CEP164: variants seen among roughly 807,000 people sequenced by gnomAD.
CEP164 encodes centrosomal protein of 164 kDa.
Under a neutral mutation model 182.7 loss-of-function variants are expected in CEP164, and 162 were observed. The ratio of observed to expected loss-of-function variants is 0.89; its 90% CI spans 0.78 to 1.01. The LOEUF is 1.01. CEP164 is among the 50% of genes least tolerant of loss of function. The pLI is 0.00. For synonymous variants in CEP164, 661 were observed against 690.0 expected (o/e 0.96, Z 0.66); for missense variants, 1,735 against 1,790.4 (o/e 0.97, Z 0.56).
intron 15 of CEP164, among the ~76,000 whole-genome samples, chr11:117,390,524 T>G (rs1282830583): frequency 1.3e-5 from 2 of 151,490 alleles, no homozygotes; most frequent in South Asian, 2.1e-4. Flanking sequence ...TGGTCCCAAC[T>G]ACATGGGATG....
At chr11:117,370,717 C>T (rs1248134636) in intron 8 of CEP164, among the ~76,000 whole-genome samples, 1 of 152,068 alleles carries the variant, frequency 6.6e-6, no homozygotes, top group Non-Finnish European at 1.5e-5. Flanking sequence ...TTGAGACCAG[C>T]CTGGCCAACA....
rs367721643 is a variant in CEP164, at chr11:117,393,156, C to G, written c.2616+30C>G. On this transcript the variant is annotated intron_variant, in intron 20 of 32. Coordinates refer to ENST00000278935, the MANE Select transcript of CEP164 (RefSeq NM_014956.5). ...CTCAGCCACATCCCCTGCGCGCATG[C>G]ACACACATGCACACACACATGCACG... The G allele has an allele frequency of 1.3e-5, 21 of 1,602,860 alleles. No individual in the cohort carries two copies. The East Asian group carries it at 4.7e-4, about 36-fold the overall frequency.
chr11:117,350,515 A>G (rs2039491954), intron 4 of CEP164, among the ~76,000 whole-genome samples: 1 of 152,138 alleles, frequency 6.6e-6, no homozygotes, highest in Admixed American at 6.5e-5. Flanking sequence ...GTGATGTGGG[A>G]CATCTTTTCA....
At chr11:117,322,575 A>G (rs1389424008) in intron 1 of CEP164, among the ~76,000 whole-genome samples, 1 of 150,830 alleles carries the variant, frequency 6.6e-6, no homozygotes, top group Admixed American at 6.6e-5. Flanking sequence ...TTTTTTTTTG[A>G]GACAGAGTTT....
At chr11:117,410,748 A>T in intron 30 of CEP164, 80 bp from the exon 31 acceptor site, 1 of 1,182,250 alleles carries the variant, frequency 8.5e-7, no homozygotes, top group Non-Finnish European at 1.2e-6. Context: ...TTTATTGTTT[A>T]TTCTGGGGAG....
At chr11:117,326,571 C>T (rs564883048), upstream of CEP164, among the ~76,000 whole-genome samples, 8 of 152,274 alleles carry the variant, frequency 5.3e-5, no homozygotes, top group East Asian at 1.9e-4. Flanking sequence ...CAGGCCCGGT[C>T]GATAGTTTTT....
chr11:117,397,660 A>G (rs2045655045), intron 27 of CEP164, among the ~76,000 whole-genome samples: 1 of 152,214 alleles, frequency 6.6e-6, no homozygotes, highest in Non-Finnish European at 1.5e-5. Flanking sequence ...ACATGGTGGC[A>G]GCAAGAGAAA....
intron 4 of CEP164, among the ~76,000 whole-genome samples, chr11:117,344,805 G>T (rs1238966442): frequency 1.3e-5 from 2 of 152,070 alleles, no homozygotes; most frequent in Non-Finnish European, 2.9e-5. Context: ...GTGCACACCT[G>T]CAGTCCTAGC....
At position 117,371,175 on chromosome 11, in the gene CEP164, A is replaced by C; in HGVS notation, c.861A>C (p.Pro287=). ...GPPTPCKPSS[P]GADSSLSSAV... ...CTACTCCCTGCAAGCCCTCCAGCCCAGGTGCAGACAGCAGTCTGAGCAGTG... is the reference window on the plus strand; with the variant it reads ...CTACTCCCTGCAAGCCCTCCAGCCCCGGTGCAGACAGCAGTCTGAGCAGTG... Residue 287 remains proline, a synonymous_variant, in exon 9 of 33, where the codon CCA becomes CCC. Transcript: ENST00000278935. The C allele has an allele frequency of 1.9e-6, 3 of 1,614,222 alleles. No homozygotes were observed.
Position 117,394,491 on chromosome 11 carries a change from C to A in CEP164, c.2758C>A (p.Gln920Lys), listed in dbSNP as rs1207134994. 2 of 1,613,622 alleles carry A rather than the reference C, an allele frequency of 1.2e-6. No homozygotes were observed. Among genetic ancestry groups the A allele is most frequent in the African/African-American group, 2.7e-5 (2 of 75,034 alleles). ...GGACTTGCGGCGCCGGCACAGGGAGCAGGTGAGGGGCCTGGGGCAGGGTGA... is the reference window on the plus strand; with the variant it reads ...GGACTTGCGGCGCCGGCACAGGGAGAAGGTGAGGGGCCTGGGGCAGGGTGA... ...LEDLRRRHRE[Q>K]ERKLQDLELD... The change falls in exon 21 of 33, where the codon CAG (glutamine) becomes AAG (lysine). Residue 920 changes from glutamine to lysine, a missense_variant and splice_region_variant. Coordinates refer to ENST00000278935, the MANE Select transcript of CEP164 (RefSeq NM_014956.5). The surrounding 1 kb of genome is among the most constrained non-coding windows in gnomAD (Gnocchi z 4.0).
intron 3 of CEP164, among the ~76,000 whole-genome samples, chr11:117,339,638 C>T (rs2037801370): frequency 7.0e-6 from 1 of 142,128 alleles, no homozygotes; most frequent in Non-Finnish European, 1.5e-5. Context: ...AAGCGAATCT[C>T]ATGCCTCAGC....
At position 117,344,272 on chromosome 11, in the gene CEP164, A is replaced by T; in HGVS notation, c.189A>T (p.Lys63Asn). 1 of 1,611,070 alleles carries T rather than the reference A, an allele frequency of 6.2e-7. No individual in the cohort carries two copies. The highest frequency in any genetic ancestry group is 8.5e-7 in the Non-Finnish European group (1 of 1,178,248). ...TGGCCCCACTGCCTGGAGAGTGGAA[A>T]CCATGGTAAGTCAGCAGGGGGTGCG... is the stretch of plus-strand genomic sequence containing the variant. ...GIVAPLPGEW[K>N]PCQDITGDIY... The change falls in exon 4 of 33, where the codon AAA (lysine) becomes AAT (asparagine). Residue 63 changes from lysine to asparagine, a missense_variant. Physicochemically the swap from Lys to Asn is moderately conservative, Grantham distance 94. Coordinates refer to ENST00000278935, the MANE Select transcript of CEP164 (RefSeq NM_014956.5).
chr11:117,341,377 C>A (rs183127432), intron 3 of CEP164, among the ~76,000 whole-genome samples: 2 of 152,070 alleles, frequency 1.3e-5, no homozygotes, highest in African/African-American at 4.8e-5. Flanking sequence ...AACATAACAC[C>A]CTTGATGGGA....
Position 117,338,577 on chromosome 11 carries a change from C to T in CEP164, c.-10C>T. On this transcript the variant is annotated 5_prime_UTR_variant, in exon 3 of 33. Transcript: ENST00000278935. The stretch of plus-strand genomic sequence containing the variant: ...CCTCTGGGATCTAGGTGTTTGAGCC[C>T]AGATGAGTCATGGCTGGACGACCCC... The T allele has an allele frequency of 6.2e-7, 1 of 1,612,996 alleles. No homozygotes were observed. The highest frequency in any genetic ancestry group is 8.5e-7 in the Non-Finnish European group (1 of 1,179,036).
chr11:117,398,033 G>A (rs1485728394), intron 27 of CEP164, among the ~76,000 whole-genome samples: 1 of 152,164 alleles, frequency 6.6e-6, no homozygotes, highest in East Asian at 1.9e-4. Flanking sequence ...CTATGAGCCT[G>A]TAAAATAAAA....
chr11:117,408,058 A>T, intron 28 of CEP164, 26 bp downstream of exon 28: 1 of 1,507,228 alleles, frequency 6.6e-7, no homozygotes, highest in Non-Finnish European at 9.1e-7. Flanking sequence ...CACATAGTCC[A>T]GTGGGCCCTG....
Position 117,409,475 on chromosome 11 carries a change from TG to T in CEP164, c.3749-142del. 1 of 735,576 alleles carries T rather than the reference TG, an allele frequency of 1.4e-6. No homozygotes were observed. The highest frequency in any genetic ancestry group is 1.7e-5 in the South Asian group (1 of 57,836). The allele number at this position is 735,576 out of a possible 1,614,324, so 45.6% of individuals were successfully genotyped here. A position where few individuals can be genotyped will look rare whatever the true frequency, so the allele number is the denominator to read the frequency against. On this transcript the variant is annotated intron_variant, in intron 29 of 32. Transcript: ENST00000278935. The surrounding 1 kb of genome is among the most constrained non-coding windows in gnomAD (Gnocchi z 4.4). ...TGGAACACAGAAGCCCTGCCATCCC[TG>T]ACCCCCTCATAAGGTTGAGGGGCTG... is the stretch of plus-strand genomic sequence containing the variant.
Position 117,409,126 on chromosome 11 carries a change from G to GCCTCCCTCTGCA in CEP164, c.3748+98_3748+99insCCTCCCTCTGCA. The GCCTCCCTCTGCA allele has an allele frequency of 6.6e-7, 1 of 1,504,278 alleles. No individual in the cohort carries two copies. The highest frequency in any genetic ancestry group is 9.0e-7 in the Non-Finnish European group (1 of 1,109,052). The allele number at this position is 1,504,278 out of a possible 1,614,324, so 93.2% of individuals were successfully genotyped here. The stretch of plus-strand genomic sequence containing the variant: ...GCTCTCTTCCCTCAGCCCTGCAGAG[G>GCCTCCCTCTGCA]GAGGCCTCTGTGAGCCGGTGTCTGG... On this transcript the variant is annotated intron_variant, in intron 29 of 32. Coordinates refer to ENST00000278935, the MANE Select transcript of CEP164 (RefSeq NM_014956.5). The surrounding 1 kb of genome is among the most constrained non-coding windows in gnomAD (Gnocchi z 4.4).
rs144279354 is a variant in CEP164, at chr11:117,394,437, G to A, written c.2704G>A (p.Val902Met). 414 of 1,614,026 alleles carry A rather than the reference G, an allele frequency of 2.6e-4. 1 individual carries two copies. The highest frequency in any genetic ancestry group is 3.4e-4 in the Non-Finnish European group (402 of 1,180,032). Residue 902 changes from valine (V) to methionine (M), a missense_variant, in exon 21 of 33, where the codon GTG becomes ATG. Coordinates refer to ENST00000278935, the MANE Select transcript of CEP164 (RefSeq NM_014956.5). This position sits in a 1 kb window ranked among gnomAD's most constrained non-coding sequence, Gnocchi z 4.0. ...GGCCCATGAACGAGAACTGGAGACT[G>A]TGAGGCAGGAGCAACACAAGCGTCT... Reference protein sequence around the residue: ...QRAHERELETVRQEQHKRLED... With the variant: ...QRAHERELETMRQEQHKRLED...
Sources: allele counts gnomAD v4.1 joint callset (sites outside exome capture counted in the v4.1 genomes callset), GRCh38; gene constraint gnomAD v4.1.1; non-coding constraint Gnocchi (gnomAD v3.1); transcripts MANE v1.5; gene names NCBI Gene and HGNC (gene_info 2026-07-23, HGNC 2026-07-21).